The following MTMR2 variants were observed in gnomAD, a reference collection of about 807,000 sequenced individuals.
MTMR2 encodes the protein myotubularin related protein 2.
In MTMR2, 55 loss-of-function variants were observed where a neutral mutation model predicts 86.9. That is an observed-to-expected ratio of 0.63 (90% CI 0.51 to 0.79). The LOEUF (loss-of-function observed/expected upper bound fraction) is 0.79. MTMR2 is among the 30% of genes least tolerant of loss of function. The pLI, the probability that MTMR2 is intolerant of heterozygous loss-of-function variation, is 0.00. For missense variants in MTMR2, 659 were observed against 772.3 expected, an observed-to-expected ratio of 0.85 and a Z score of 1.74; for synonymous variants, 241 against 266.8, an observed-to-expected ratio of 0.90 and a Z score of 0.94.
rs546357568 is a variant in MTMR2 at position 95,915,759 on chromosome 11, G to A, written c.80+8116C>T. 2.0e-5 allele frequency among the ~76,000 whole-genome samples: 3 copies of A among 152,230 alleles called. No individual in the cohort carries two copies. In the South Asian group the frequency reaches 6.2e-4, roughly 32 times the overall value. ...ATGGATACATGGCTTGGAAATGGAT[G>A]TCAAATTGGAAGTAAGCAGAGTAGG... On this transcript the variant is annotated intron_variant, in intron 1 of 14. Transcript: ENST00000346299.
intron 1 of MTMR2, among the ~76,000 whole-genome samples, chr11:95,899,664 G>A (rs1291553058): frequency 6.6e-6 from 1 of 151,674 alleles, no homozygotes; most frequent in African/African-American, 2.4e-5. Context: ...GGAGCGCAGA[G>A]GAGGAAAGGA....
At chr11:95,865,459 A>G (rs1864577104) in intron 3 of MTMR2, 142 bp downstream of exon 3, 1 of 813,748 alleles carries the variant, frequency 1.2e-6, no homozygotes, top group East Asian at 2.5e-5. Flanking sequence ...ACACACTAAG[A>G]TGCTGAGAAG....
chr11:95,855,464 C>CT (rs1864175313), intron 7 of MTMR2, among the ~76,000 whole-genome samples: 1 of 151,920 alleles, frequency 6.6e-6, no homozygotes, highest in Non-Finnish European at 1.5e-5. Flanking sequence ...GTTGCCCACG[C>CT]TGGTCTCAAA....
intron 1 of MTMR2, among the ~76,000 whole-genome samples, chr11:95,891,851 G>A (rs888384076): frequency 6.6e-6 from 1 of 151,920 alleles, no homozygotes; most frequent in African/African-American, 2.4e-5. Flanking sequence ...GGGGAGAGAG[G>A]GAGGGAGAGA....
At chr11:95,916,998 C>G (rs1251639325) in intron 1 of MTMR2, among the ~76,000 whole-genome samples, 1 of 152,070 alleles carries the variant, frequency 6.6e-6, no homozygotes, top group Non-Finnish European at 1.5e-5. Flanking sequence ...GGAAAGGGAA[C>G]TGAAGTTATT....
Position 95,835,364 on chromosome 11 carries a change from T to A in MTMR2, c.1858A>T (p.Asn620Tyr), listed in dbSNP as rs775643975. The A allele has an allele frequency of 6.2e-7, 1 of 1,613,190 alleles. No homozygotes were observed. The part of the protein sequence containing the change: ...KVEELQREIS[N>Y]RSTSSSERAS... ...CTCTCTGAGGATGAGGTTGATCGGT[T>A]AGAAATCTCTCTCTGTAGTTCCTCT... Residue 620 changes from asparagine to tyrosine, a missense_variant, in exon 15 of 15, where the codon AAC (asparagine) becomes TAC (tyrosine). By Grantham distance (143) the Asn-to-Tyr change is moderately radical (BLOSUM62 -2). This residue lies in a region of MTMR2 where 193 missense variants were observed against 191.6 expected (regional missense o/e 1.01). Coordinates refer to ENST00000346299, the MANE Select transcript of MTMR2 (RefSeq NM_016156.6).
intron 1 of MTMR2, among the ~76,000 whole-genome samples, chr11:95,910,909 G>A (rs933662514): frequency 6.6e-6 from 1 of 152,036 alleles, no homozygotes; most frequent in Admixed American, 6.6e-5. Flanking sequence ...GGCCTGCAGT[G>A]TGTATAAAAC....
intron 7 of MTMR2, among the ~76,000 whole-genome samples, chr11:95,854,126 C>T (rs747430194): frequency 2.6e-5 from 4 of 151,994 alleles, no homozygotes; most frequent in Non-Finnish European, 4.4e-5. Context: ...TTAGATAAGC[C>T]GACACACCTA....
chr11:95,918,871 G>A (rs1399451043), intron 1 of MTMR2, among the ~76,000 whole-genome samples: 1 of 152,096 alleles, frequency 6.6e-6, no homozygotes, highest in Non-Finnish European at 1.5e-5. Flanking sequence ...GGGTCTCACT[G>A]TCTTGCCCAG....
chr11:95,885,910 G>A (rs925821470), intron 2 of MTMR2, among the ~76,000 whole-genome samples: 1 of 152,058 alleles, frequency 6.6e-6, no homozygotes, highest in Admixed American at 6.6e-5. Flanking sequence ...GTGATGAAAT[G>A]GCACTCACTT....
intron 5 of MTMR2, among the ~76,000 whole-genome samples, chr11:95,860,458 G>A (rs557064553): frequency 1.5e-4 from 23 of 152,130 alleles, no homozygotes; most frequent in African/African-American, 4.6e-4. Flanking sequence ...CCAAGATCAC[G>A]CCACTGCACT....
chr11:95,913,179 A>C (rs1417112306), intron 1 of MTMR2: 1 of 152,126 alleles, frequency 6.6e-6, no homozygotes, highest in Admixed American at 6.6e-5. Flanking sequence ...ATTGGTTATA[A>C]TCTTATACAT....
chr11:95,847,299 T>C (rs1033694166), intron 10 of MTMR2, among the ~76,000 whole-genome samples: 3 of 152,206 alleles, frequency 2.0e-5, no homozygotes, highest in African/African-American at 7.2e-5. Context: ...TTATCCAGTC[T>C]TGGTCTCCAT....
At position 95,865,566 on chromosome 11, in the gene MTMR2, G is replaced by A. The variant is rs548708903; in HGVS notation, c.262+35C>T. On this transcript the variant is annotated intron_variant, in intron 3 of 14. Coordinates refer to ENST00000346299, the MANE Select transcript of MTMR2 (RefSeq NM_016156.6). Reference sequence around the variant, plus strand: ...ACTGAACATTCTGCACAGTAGAACGGAGAAGGACATTAAGCAAAAAATACC... The same window carrying A: ...ACTGAACATTCTGCACAGTAGAACGAAGAAGGACATTAAGCAAAAAATACC... 14 of 1,571,524 alleles carry A rather than the reference G, an allele frequency of 8.9e-6. No individual in the cohort carries two copies. In the South Asian group the frequency reaches 1.4e-4, roughly 16 times the overall value.
chr11:95,855,377 T>C (rs1864171987), intron 7 of MTMR2, among the ~76,000 whole-genome samples: 1 of 152,102 alleles, frequency 6.6e-6, no homozygotes, highest in African/African-American at 2.4e-5. Flanking sequence ...CACCTCAGCC[T>C]CCCAAGTAGC....
chr11:95,853,179 G>A (rs1475522870), intron 7 of MTMR2, among the ~76,000 whole-genome samples: 1 of 150,872 alleles, frequency 6.6e-6, no homozygotes, highest in Non-Finnish European at 1.5e-5. Context: ...AAAAAGTACA[G>A]TGAATTGGCA....
chr11:95,897,809 AC>A (rs1234339902), intron 1 of MTMR2, among the ~76,000 whole-genome samples: 1 of 152,134 alleles, frequency 6.6e-6, no homozygotes, highest in Non-Finnish European at 1.5e-5. Flanking sequence ...ACTAAACTGG[AC>A]CAGACTAACG....
chr11:95,850,542 T>G (rs2135442056), intron 8 of MTMR2, 58 bp downstream of exon 8: 1 of 1,548,640 alleles, frequency 6.5e-7, no homozygotes, highest in South Asian at 1.1e-5. Flanking sequence ...CTCATTAATC[T>G]CAGCATTATG....
intron 9 of MTMR2, among the ~76,000 whole-genome samples, chr11:95,848,589 G>A (rs1419595395): frequency 6.6e-6 from 1 of 152,052 alleles, no homozygotes; most frequent in Non-Finnish European, 1.5e-5. Flanking sequence ...TATATTTCAT[G>A]AATAAAATAT....
Sources: allele counts gnomAD v4.1 joint callset (sites outside exome capture counted in the v4.1 genomes callset), GRCh38; gene constraint gnomAD v4.1.1; regional missense constraint gnomAD v4.1.1; transcripts MANE v1.5; gene names NCBI Gene and HGNC (gene_info 2026-07-23, HGNC 2026-07-21).